RALYL: variants seen among roughly 807,000 people sequenced by gnomAD.
The protein encoded by RALYL is RALY RNA binding protein like.
In RALYL, 29 loss-of-function variants were observed where a neutral mutation model predicts 35.1. The ratio of observed to expected loss-of-function variants is 0.83; its 90% CI spans 0.61 to 1.13. RALYL has a LOEUF of 1.13. Among genes scored for constraint, RALYL ranks in the 50% most tolerant of loss-of-function variants. The pLI is 0.00. For synonymous variants in RALYL, 120 were observed against 127.6 expected (o/e 0.94, Z 0.40); for missense variants, 359 against 360.4 (o/e 1.00, Z 0.03).
rs550739642 is a variant in RALYL, at chr8:84,611,075, T to C, written c.256+81498T>C. ...ATGCTTGTTTCTACTGCAGTACCAT[T>C]TCCTTTAGGCATTTGGATTTTAATG... On this transcript the variant is annotated intron_variant, in intron 2 of 8. Coordinates refer to ENST00000521268, the MANE Select transcript of RALYL (RefSeq NM_173848.7). 2.6e-5 allele frequency among the ~76,000 whole-genome samples: 4 copies of C among 152,246 alleles called. No homozygotes were observed. The South Asian group carries it at 8.3e-4, about 32-fold the overall frequency.
chr8:84,700,145 A>C (rs1469943242), intron 2 of RALYL, among the ~76,000 whole-genome samples: 2 of 152,156 alleles, frequency 1.3e-5, no homozygotes, highest in Admixed American at 1.3e-4. Flanking sequence ...CTACAAAAAG[A>C]TAAAACTCAG....
rs1198183626 is a variant in RALYL at position 84,213,035 on chromosome 8, A to C, written c.-24+28611A>C. ...AATTATCATTGTTCTCTTTTTTTACATTCTGGAAAATTCTCAGAGTATATA... is the reference window on the plus strand; with the variant it reads ...AATTATCATTGTTCTCTTTTTTTACCTTCTGGAAAATTCTCAGAGTATATA... On this transcript the variant is annotated intron_variant, in intron 1 of 8. Transcript: ENST00000521268. Among the ~76,000 whole-genome samples the C allele has an allele frequency of 2.6e-5, 4 of 152,158 alleles. No homozygotes were observed. The South Asian group carries it at 8.3e-4, about 31-fold the overall frequency.
chr8:84,607,751 A>G (rs2130834264), intron 2 of RALYL, among the ~76,000 whole-genome samples: 2 of 152,196 alleles, frequency 1.3e-5, no homozygotes, highest in South Asian at 4.1e-4. Flanking sequence ...CCTATTGTGT[A>G]TATACTTAGA....
At chr8:84,372,919 T>TTTTTTTTTTTTA (rs1302102445) in intron 1 of RALYL, among the ~76,000 whole-genome samples, 1 of 143,504 alleles carries the variant, frequency 7.0e-6, no homozygotes, top group African/African-American at 2.7e-5. Context: ...TTTTTTTACT[T>TTTTTTTTTTTTA]TTTAATAATA....
At chr8:84,683,270 T>C (rs1354064105) in intron 2 of RALYL, among the ~76,000 whole-genome samples, 1 of 152,184 alleles carries the variant, frequency 6.6e-6, no homozygotes, top group African/African-American at 2.4e-5. Flanking sequence ...AAGTATGTGG[T>C]CAATTTTGGA....
rs541542144 is a variant in RALYL, at chr8:84,861,526, A to AT, written c.414-763dup. Among the ~76,000 whole-genome samples, 5 of 152,188 alleles carry AT rather than the reference A, an allele frequency of 3.3e-5. No homozygotes were observed. In the East Asian group the frequency reaches 7.7e-4, roughly 23 times the overall value. On this transcript the variant is annotated intron_variant, in intron 5 of 8. Transcript: ENST00000521268. ...TCCGCAAAGGTTTTAAGTTTTATTG[A>AT]TTTTTTTGTTAAATATGCTTGTAAT...
At chr8:84,725,567 CTT>C (rs1188188243) in intron 2 of RALYL, among the ~76,000 whole-genome samples, 5 of 151,824 alleles carry the variant, frequency 3.3e-5, no homozygotes, top group Non-Finnish European at 7.4e-5. Context: ...TGTGAGCAAA[CTT>C]AATTTTCAGT....
chr8:84,795,007 A>G (rs529116662), intron 3 of RALYL, among the ~76,000 whole-genome samples: 1 of 152,230 alleles, frequency 6.6e-6, no homozygotes, highest in Non-Finnish European at 1.5e-5. Context: ...TTAGCAGCCC[A>G]GATGGTGGTA....
chr8:84,862,207 C>G lies in RALYL; in HGVS notation c.414-89C>G, dbSNP rs1838230944. ...GAAAGAAAACATTTATTGAAATTTT[C>G]TACCAGGACATTCTGTTCAACATTT... On this transcript the variant is annotated intron_variant, in intron 5 of 8. Transcript: ENST00000521268. The G allele has an allele frequency of 1.3e-5, 14 of 1,107,536 alleles. No homozygotes were observed. The South Asian group carries it at 3.1e-4, about 25-fold the overall frequency. The allele number at this position is 1,107,536 out of a possible 1,614,324, so 68.6% of individuals were successfully genotyped here.
intron 1 of RALYL, among the ~76,000 whole-genome samples, chr8:84,462,832 G>A (rs1373006720): frequency 6.6e-6 from 1 of 151,768 alleles, no homozygotes; most frequent in East Asian, 1.9e-4. Flanking sequence ...AATGGGGAAT[G>A]TCTTCCATAA....
At chr8:84,266,959 C>CAA (rs747403533) in intron 1 of RALYL, among the ~76,000 whole-genome samples, 4,479 of 58,666 alleles carry the variant, frequency 0.076, 143 homozygotes, top group East Asian at 0.18. Flanking sequence ...GACTCCGTCT[C>CAA]AAAAAAAAAA....
intron 1 of RALYL, among the ~76,000 whole-genome samples, chr8:84,297,592 G>T (rs183847062): frequency 6.6e-6 from 1 of 151,954 alleles, no homozygotes. Flanking sequence ...TTGATAGGTC[G>T]AATGGTAGTT....
intron 1 of RALYL, among the ~76,000 whole-genome samples, chr8:84,243,613 G>A (rs553105526): frequency 2.7e-5 from 4 of 149,544 alleles, no homozygotes; most frequent in African/African-American, 9.8e-5. Context: ...GAAGCTAGAT[G>A]AGAAGAAACA....
intron 1 of RALYL, among the ~76,000 whole-genome samples, chr8:84,422,527 G>GT (rs1212032550): frequency 1.4e-5 from 1 of 73,156 alleles, no homozygotes; most frequent in Admixed American, 1.7e-4. Flanking sequence ...TTTTTGAAGG[G>GT]TTTTTTGTGT....
At chr8:84,349,589 C>T (rs1294035108) in intron 1 of RALYL, among the ~76,000 whole-genome samples, 1 of 150,270 alleles carries the variant, frequency 6.7e-6, no homozygotes, top group African/African-American at 2.5e-5. Flanking sequence ...GATATTTTCT[C>T]TCCCCCCACC....
chr8:84,725,972 C>T (rs1442652825), intron 2 of RALYL, among the ~76,000 whole-genome samples: 1 of 151,230 alleles, frequency 6.6e-6, no homozygotes, highest in African/African-American at 2.4e-5. Context: ...GCTTTATAAG[C>T]AACTGTTTAT....
chr8:84,356,086 T>G (rs1235029341), intron 1 of RALYL, among the ~76,000 whole-genome samples: 1 of 150,096 alleles, frequency 6.7e-6, no homozygotes, highest in Admixed American at 6.6e-5. Flanking sequence ...AGAAGGTGCT[T>G]CCTTCCCTTT....
At chr8:84,819,263 AT>A (rs1254428020) in intron 4 of RALYL, among the ~76,000 whole-genome samples, 6 of 152,214 alleles carry the variant, frequency 3.9e-5, no homozygotes, top group Non-Finnish European at 7.4e-5. Flanking sequence ...CCACAGCGCT[AT>A]TTTTGTAATC....
At chr8:84,293,428 G>C (rs1442161499) in intron 1 of RALYL, among the ~76,000 whole-genome samples, 2 of 152,028 alleles carry the variant, frequency 1.3e-5, no homozygotes, top group East Asian at 3.9e-4. Flanking sequence ...AGAAAAGCCA[G>C]CATTTCCCTC....
Sources: gnomAD v4.1 joint callset for allele counts (sites outside exome capture counted in the v4.1 genomes callset) on GRCh38, gnomAD v4.1.1 for gene constraint, MANE v1.5 for transcripts, NCBI Gene and HGNC (gene_info 2026-07-23, HGNC 2026-07-21) for gene names.